The following NXPE2 variants were observed in gnomAD, a reference collection of about 807,000 sequenced individuals.
NXPE2 encodes neurexophilin and PC-esterase domain family member 2.
Under a neutral mutation model 34.4 loss-of-function variants are expected in NXPE2, and 34 were observed. The ratio of observed to expected loss-of-function variants is 0.99; its 90% CI spans 0.75 to 1.31. NXPE2 has a LOEUF of 1.31. NXPE2 is among the 40% of genes most tolerant of loss of function. The pLI is 0.00. For missense variants in NXPE2, 649 were observed against 672.5 expected (o/e 0.97, Z 0.39); for synonymous variants, 235 against 231.3 (o/e 1.02, Z -0.15).
chr11:114,546,971 T>C, the NXPE2 span, among the ~76,000 whole-genome samples: 7 of 152,144 alleles, frequency 4.6e-5, no homozygotes, highest in Non-Finnish European at 1.0e-4. Flanking sequence ...AATGAATGAT[T>C]GAATAAACAA....
chr11:114,742,010 T>G, the NXPE2 span, among the ~76,000 whole-genome samples: 6 of 152,138 alleles, frequency 3.9e-5, no homozygotes, highest in African/African-American at 1.4e-4. Flanking sequence ...CTTTCTCAGA[T>G]TTTTTCTGTG....
the NXPE2 span, among the ~76,000 whole-genome samples, chr11:114,576,861 CATT>C: frequency 5.6e-3 from 845 of 151,282 alleles, 5 homozygotes; most frequent in Middle Eastern, 0.01. Context: ...GAAGAAAAGT[CATT>C]ATACGAAAAA....
chr11:114,723,956 G>C, the NXPE2 span, among the ~76,000 whole-genome samples: 1 of 152,138 alleles, frequency 6.6e-6, no homozygotes, highest in Admixed American at 6.5e-5. Flanking sequence ...CTTCCCAGCT[G>C]TCATCTCTGT....
the NXPE2 span, among the ~76,000 whole-genome samples, chr11:114,644,938 A>G: frequency 6.6e-6 from 1 of 152,124 alleles, no homozygotes; most frequent in Non-Finnish European, 1.5e-5. Flanking sequence ...AGCTTGATAA[A>G]TAACAGAAAT....
chr11:114,611,027 T>A, the NXPE2 span, among the ~76,000 whole-genome samples: 1 of 151,726 alleles, frequency 6.6e-6, no homozygotes, highest in Admixed American at 6.6e-5. Context: ...GGGTCACAAC[T>A]CTTACTCTGT....
intron 2 of NXPE2, among the ~76,000 whole-genome samples, chr11:114,686,304 TTCTCA>T (rs1247559333): frequency 2.0e-5 from 3 of 152,098 alleles, no homozygotes; most frequent in African/African-American, 7.2e-5. Context: ...GTGTTTATTG[TTCTCA>T]TCTTTGGGTC....
chr11:114,565,827 G>A, the NXPE2 span, among the ~76,000 whole-genome samples: 1 of 152,126 alleles, frequency 6.6e-6, no homozygotes, highest in Non-Finnish European at 1.5e-5. Flanking sequence ...TCAAGATTAT[G>A]AGCAAAAGAT....
the NXPE2 span, chr11:114,527,847 A>G: frequency 1.2e-5 from 20 of 1,606,842 alleles, no homozygotes; most frequent in African/African-American, 2.0e-4. Context: ...TACTGTTACA[A>G]TTAGTGACAT....
chr11:114,626,312 C>T, the NXPE2 span, among the ~76,000 whole-genome samples: 4 of 152,336 alleles, frequency 2.6e-5, no homozygotes, highest in East Asian at 7.7e-4. Context: ...GTTCTCCTAG[C>T]ACACAGCTGG....
At chr11:114,507,967 C>A in the NXPE2 span, among the ~76,000 whole-genome samples, 2 of 152,126 alleles carry the variant, frequency 1.3e-5, no homozygotes, top group Non-Finnish European at 2.9e-5. Context: ...TGTTTGCAGA[C>A]AATATGATGC....
chr11:114,584,459 C>T, the NXPE2 span: 3 of 202,484 alleles, frequency 1.5e-5, no homozygotes, highest in Non-Finnish European at 3.1e-5. Context: ...AAGACCCTGA[C>T]AAGCTCATCT....
chr11:114,634,639 T>C, the NXPE2 span, among the ~76,000 whole-genome samples: 2 of 152,108 alleles, frequency 1.3e-5, no homozygotes, highest in East Asian at 3.8e-4. Context: ...TTAATTTTTG[T>C]ATAAGGTGTA....
At chr11:114,799,291 CAAAAAAAAAAAAA>C in the NXPE2 span, among the ~76,000 whole-genome samples, 386 of 94,324 alleles carry the variant, frequency 4.1e-3, 2 homozygotes, top group African/African-American at 0.013. Context: ...GGCAATGAAG[CAAAAAAAAAAAAA>C]AAAAAAAAAA....
chr11:114,539,057 G>A, the NXPE2 span, among the ~76,000 whole-genome samples: 1 of 152,060 alleles, frequency 6.6e-6, no homozygotes, highest in African/African-American at 2.4e-5. Flanking sequence ...ATGATAGACT[G>A]GATTAAGAAA....
At chr11:114,655,457 G>A in the NXPE2 span, among the ~76,000 whole-genome samples, 494 of 152,232 alleles carry the variant, frequency 3.2e-3, 12 homozygotes, top group Admixed American at 0.03. Context: ...TATGGTTTGA[G>A]GTTTTACATT....
the NXPE2 span, among the ~76,000 whole-genome samples, chr11:114,807,013 C>T: frequency 4.6e-5 from 7 of 152,068 alleles, no homozygotes; most frequent in Non-Finnish European, 7.4e-5. Flanking sequence ...CTCTACGAGC[C>T]AGAAGAGAGT....
intron 4 of NXPE2, among the ~76,000 whole-genome samples, chr11:114,704,846 GT>G (rs1321938921): frequency 6.6e-6 from 1 of 152,160 alleles, no homozygotes; most frequent in East Asian, 1.9e-4. Context: ...ACTGAAGAAA[GT>G]TCTTAGATTC....
At chr11:114,754,932 T>C in the NXPE2 span, among the ~76,000 whole-genome samples, 1 of 152,198 alleles carries the variant, frequency 6.6e-6, no homozygotes, top group Non-Finnish European at 1.5e-5. Flanking sequence ...AATATTTTAA[T>C]ATTAAACAAC....
At chr11:114,791,424 C>T in the NXPE2 span, among the ~76,000 whole-genome samples, 1 of 152,224 alleles carries the variant, frequency 6.6e-6, no homozygotes, top group African/African-American at 2.4e-5. Flanking sequence ...TATTCCACCA[C>T]AGTTGTCTCC....
Sources: gnomAD v4.1 joint callset for allele counts (sites outside exome capture counted in the v4.1 genomes callset) on GRCh38, gnomAD v4.1.1 for gene constraint, MANE v1.5 for transcripts, NCBI Gene and HGNC (gene_info 2026-07-23, HGNC 2026-07-21) for gene names.